Variants in MARCHF1 observed in about 807,000 individuals in gnomAD.
MARCHF1 encodes membrane associated ring-CH-type finger 1, also known as E3 ubiquitin-protein ligase MARCHF1.
Under a neutral mutation model 54.2 loss-of-function variants are expected in MARCHF1, and 40 were observed. The observed-to-expected ratio is 0.74, with a 90% CI of 0.57 to 0.96. The LOEUF (loss-of-function observed/expected upper bound fraction) is 0.96, where lower values mean the gene tolerates loss of function less well. Ranked by LOEUF, MARCHF1 falls within the 40% of genes least tolerant of loss-of-function variation. The probability of loss-of-function intolerance (pLI) is 0.00; values close to 1 mark genes in which losing one functional copy is unlikely to be tolerated. For synonymous variants in MARCHF1, 236 were observed against 236.3 expected (o/e 1.00, Z 0.01); for missense variants, 586 against 656.5 (o/e 0.89, Z 1.17).
intron 4 of MARCHF1, among the ~76,000 whole-genome samples, chr4:163,847,800 C>T (rs555822020): frequency 2.6e-5 from 4 of 151,982 alleles, no homozygotes; most frequent in Non-Finnish European, 5.9e-5. Flanking sequence ...AGGCTAGTCT[C>T]GAACTCCAGG....
intron 2 of MARCHF1, among the ~76,000 whole-genome samples, chr4:164,018,233 G>A (rs1753588132): frequency 6.6e-6 from 1 of 151,644 alleles, no homozygotes; most frequent in Non-Finnish European, 1.5e-5. Flanking sequence ...AATTTTTTTG[G>A]CTAAGTAAAT....
At chr4:163,827,047 T>C (rs1748872114) in intron 4 of MARCHF1, among the ~76,000 whole-genome samples, 1 of 151,760 alleles carries the variant, frequency 6.6e-6, no homozygotes, top group African/African-American at 2.4e-5. Context: ...TGTATGAACT[T>C]ATGTTAACCT....
rs79703734 is a variant in MARCHF1, at chr4:164,240,537, T to C, written c.-322-128875A>G. On this transcript the variant is annotated intron_variant, in intron 1 of 9. Coordinates refer to ENST00000514618, the MANE Select transcript of MARCHF1 (RefSeq NM_001394959.1). Reference sequence around the variant, plus strand: ...CTAACTACTCCTTTACCAAAAAAGCTGTCTCTTCTTCCTCTGCTTGTCCCT... The same window carrying C: ...CTAACTACTCCTTTACCAAAAAAGCCGTCTCTTCTTCCTCTGCTTGTCCCT... Among the ~76,000 whole-genome samples the C allele has an allele frequency of 3.0e-3, 449 of 152,144 alleles. 3 individuals are homozygous for C. The highest frequency in any genetic ancestry group is 0.01 in the African/African-American group (434 of 41,534).
At chr4:163,942,657 G>A (rs559951139) in intron 3 of MARCHF1, among the ~76,000 whole-genome samples, 1 of 152,054 alleles carries the variant, frequency 6.6e-6, no homozygotes, top group Admixed American at 6.5e-5. Context: ...AGAACTGAAG[G>A]GATATGCATC....
chr4:163,979,692 T>C (rs1752722318), intron 3 of MARCHF1, among the ~76,000 whole-genome samples: 1 of 152,144 alleles, frequency 6.6e-6, no homozygotes, highest in African/African-American at 2.4e-5. Flanking sequence ...TGTTGTTTCC[T>C]GACTTTTTAA....
intron 5 of MARCHF1, among the ~76,000 whole-genome samples, chr4:163,650,900 CCAGGAGTT>C (rs1742940654): frequency 6.6e-6 from 1 of 151,732 alleles, no homozygotes; most frequent in African/African-American, 2.4e-5. Flanking sequence ...TTATTGTATG[CCAGGAGTT>C]CAAAATATTA....
intron 7 of MARCHF1, among the ~76,000 whole-genome samples, chr4:163,590,057 G>GTGTGTGTGTGTGTGTGTGT (rs1740536334): frequency 6.8e-6 from 1 of 146,168 alleles, no homozygotes; most frequent in Non-Finnish European, 1.5e-5. Context: ...TTTAGATTTT[G>GTGTGTGTGTGTGTGTGTGT]GTGTGTGTGT....
intron 1 of MARCHF1, among the ~76,000 whole-genome samples, chr4:164,269,731 G>A (rs1288645101): frequency 6.6e-6 from 1 of 152,042 alleles, no homozygotes; most frequent in African/African-American, 2.4e-5. Flanking sequence ...AATTGTCTGA[G>A]CAACCAAAGC....
chr4:164,263,538 T>C (rs1189966143), intron 1 of MARCHF1, among the ~76,000 whole-genome samples: 2 of 152,136 alleles, frequency 1.3e-5, no homozygotes, highest in Non-Finnish European at 2.9e-5. Flanking sequence ...TTGGGATTAC[T>C]AGCATATGCC....
intron 3 of MARCHF1, among the ~76,000 whole-genome samples, chr4:163,922,184 G>T (rs144213361): frequency 8.0e-5 from 12 of 150,864 alleles, no homozygotes; most frequent in Non-Finnish European, 1.2e-4. Flanking sequence ...ATGGATGCGG[G>T]GGGGAGCATC....
At chr4:163,551,317 T>A (rs573457565) in intron 8 of MARCHF1, among the ~76,000 whole-genome samples, 1 of 152,330 alleles carries the variant, frequency 6.6e-6, no homozygotes, top group African/African-American at 2.4e-5. Flanking sequence ...TTTCAAATAC[T>A]CTGGGAGAGA....
At chr4:164,035,703 G>T (rs1753979336) in intron 2 of MARCHF1, among the ~76,000 whole-genome samples, 1 of 150,790 alleles carries the variant, frequency 6.6e-6, no homozygotes, top group Non-Finnish European at 1.5e-5. Flanking sequence ...TTTTTAATAA[G>T]GGTACTGAAA....
intron 5 of MARCHF1, among the ~76,000 whole-genome samples, chr4:163,634,129 C>A (rs1201377945): frequency 2.0e-5 from 3 of 152,184 alleles, no homozygotes; most frequent in African/African-American, 7.2e-5. Flanking sequence ...CCGGTACCAG[C>A]TGCTGCAAAA....
intron 4 of MARCHF1, among the ~76,000 whole-genome samples, chr4:163,819,352 G>C (rs76613671): frequency 0.029 from 4,439 of 151,960 alleles, 77 homozygotes; most frequent in East Asian, 0.075. Context: ...CATTCCATTT[G>C]GATGGCTGAA....
Position 163,804,732 on chromosome 4 carries a change from A to G in MARCHF1, c.111+49289T>C, listed in dbSNP as rs76067686. 6.3e-3 allele frequency among the ~76,000 whole-genome samples: 962 copies of G among 152,320 alleles called. 7 individuals carry two copies. The highest frequency in any genetic ancestry group is 0.021 in the African/African-American group (873 of 41,576). ...TCCATAGAATAGAGAGCCAAAATTTATGCAAATGCCTACTAGTGGGTGCAT... is the reference window on the plus strand; with the variant it reads ...TCCATAGAATAGAGAGCCAAAATTTGTGCAAATGCCTACTAGTGGGTGCAT... On this transcript the variant is annotated intron_variant, in intron 4 of 9. Transcript: ENST00000514618.
chr4:164,305,311 A>G (rs1734668612), intron 1 of MARCHF1, among the ~76,000 whole-genome samples: 1 of 152,198 alleles, frequency 6.6e-6, no homozygotes, highest in Non-Finnish European at 1.5e-5. Flanking sequence ...TATTTTGAGA[A>G]AGATTAACTG....
chr4:163,554,318 G>T (rs1007488888), intron 8 of MARCHF1, among the ~76,000 whole-genome samples: 2 of 152,202 alleles, frequency 1.3e-5, no homozygotes, highest in Non-Finnish European at 2.9e-5. Context: ...CATGAGAGAG[G>T]TGTTAACAAC....
intron 5 of MARCHF1, among the ~76,000 whole-genome samples, chr4:163,671,371 G>A (rs1020862435): frequency 3.3e-5 from 5 of 152,188 alleles, no homozygotes; most frequent in African/African-American, 7.2e-5. Context: ...CACAGTACGG[G>A]AATAGCTGCC....
At chr4:164,144,015 G>A (rs189710410) in intron 1 of MARCHF1, among the ~76,000 whole-genome samples, 53 of 152,300 alleles carry the variant, frequency 3.5e-4, no homozygotes, top group African/African-American at 1.3e-3. Context: ...GGCAGGGGTT[G>A]CAATCCTAGT....
Sources: allele counts gnomAD v4.1 joint callset (sites outside exome capture counted in the v4.1 genomes callset), GRCh38; gene constraint gnomAD v4.1.1; transcripts MANE v1.5; gene names NCBI Gene and HGNC (gene_info 2026-07-23, HGNC 2026-07-21).